STT3B: variants seen among roughly 807,000 people sequenced by gnomAD.
STT3B encodes the protein dolichyl-diphosphooligosaccharide--protein glycosyltransferase subunit STT3B.
In STT3B, 29 loss-of-function variants were observed where a neutral mutation model predicts 96.8. The ratio of observed to expected loss-of-function variants is 0.30; its 90% CI spans 0.22 to 0.41. The LOEUF is 0.41. STT3B is among the 10% of genes least tolerant of loss of function. The pLI is 1.00. For missense variants in STT3B, 640 were observed against 1,022.3 expected, an observed-to-expected ratio of 0.63 and a Z score of 5.10; for synonymous variants, 367 against 360.0, an observed-to-expected ratio of 1.02 and a Z score of -0.22.
intron 3 of STT3B, among the ~76,000 whole-genome samples, chr3:31,593,059 G>A (rs920442869): frequency 1.3e-5 from 2 of 152,128 alleles, no homozygotes; most frequent in East Asian, 1.9e-4. Context: ...GATTCTGCCC[G>A]TGCAATTATT....
At chr3:31,542,544 G>T (rs1169912018) in intron 1 of STT3B, among the ~76,000 whole-genome samples, 2 of 152,128 alleles carry the variant, frequency 1.3e-5, no homozygotes, top group Non-Finnish European at 2.9e-5. Flanking sequence ...TATTTCTACA[G>T]AATTCAAACT....
intron 5 of STT3B, among the ~76,000 whole-genome samples, chr3:31,601,050 T>C (rs977518934): frequency 2.0e-5 from 3 of 152,116 alleles, no homozygotes; most frequent in Non-Finnish European, 4.4e-5. Flanking sequence ...CTTAGTAAAA[T>C]AATACAATTC....
chr3:31,633,399 T>C (rs971863325), intron 15 of STT3B, among the ~76,000 whole-genome samples: 1 of 152,222 alleles, frequency 6.6e-6, no homozygotes, highest in African/African-American at 2.4e-5. Context: ...TTAGTAAGAC[T>C]TACTTGTAAA....
rs1322713584 is a variant in STT3B at position 31,579,873 on chromosome 3, C to T, written c.488C>T (p.Thr163Ile). ...TGGATTTTAAATACATTGAACATAACTGTTCACATAAGAGACGTATGTGTG... is the reference window on the plus strand; with the variant it reads ...TGGATTTTAAATACATTGAACATAATTGTTCACATAAGAGACGTATGTGTG... ...IHWILNTLNITVHIRDVCVFL... is the reference protein window; with the variant it reads ...IHWILNTLNIIVHIRDVCVFL... Residue 163 changes from threonine (T) to isoleucine (I), a missense_variant, in exon 3 of 16, where the codon ACT (threonine) becomes ATT (isoleucine). Around this residue, in one of 8 missense-constraint regions of STT3B, gnomAD observed 267 missense variants for 388.3 expected, o/e 0.69. Transcript: ENST00000295770. 1 of 1,612,910 alleles carries T rather than the reference C, an allele frequency of 6.2e-7. No individual in the cohort carries two copies. Among genetic ancestry groups the T allele is most frequent in the African/African-American group, 1.3e-5 (1 of 75,008 alleles).
intron 1 of STT3B, among the ~76,000 whole-genome samples, chr3:31,571,049 G>C (rs934539098): frequency 2.0e-5 from 3 of 152,186 alleles, no homozygotes; most frequent in Non-Finnish European, 4.4e-5. Flanking sequence ...TCAAAGCCTA[G>C]TTGAGAAGAG....
chr3:31,598,993 A>G (rs2125462756), intron 4 of STT3B, among the ~76,000 whole-genome samples: 1 of 152,060 alleles, frequency 6.6e-6, no homozygotes, highest in Non-Finnish European at 1.5e-5. Flanking sequence ...TATTTTTAGT[A>G]GAGACAGGAT....
intron 1 of STT3B, among the ~76,000 whole-genome samples, chr3:31,545,727 A>G (rs1170521746): frequency 6.6e-6 from 1 of 152,066 alleles, no homozygotes; most frequent in Non-Finnish European, 1.5e-5. Flanking sequence ...ATATATCTGT[A>G]AACCAAGCTT....
chr3:31,574,492 T>C (rs1370036566), intron 1 of STT3B, among the ~76,000 whole-genome samples: 1 of 152,154 alleles, frequency 6.6e-6, no homozygotes, highest in African/African-American at 2.4e-5. Flanking sequence ...TTTCCATCTT[T>C]TACTAGACAG....
At chr3:31,629,266 CTAACA>C (rs779537444) in intron 13 of STT3B, 27 bp from the exon 14 acceptor site, 8 of 1,194,050 alleles carry the variant, frequency 6.7e-6, no homozygotes, top group Non-Finnish European at 8.7e-6. Context: ...TTAACTTGAA[CTAACA>C]TAGAACTTGT....
At position 31,539,920 on chromosome 3, in the gene STT3B, C is replaced by G. The variant is rs116504323; in HGVS notation, c.314+6608C>G. Among the ~76,000 whole-genome samples, 574 of 152,234 alleles carry G rather than the reference C, an allele frequency of 3.8e-3. 8 individuals are homozygous for G. Among genetic ancestry groups the G allele is most frequent in the African/African-American group, 0.013 (534 of 41,552 alleles). ...GAGAGCTGAACTTTCAGAGTAGACT[C>G]AGAATTCTATAACCCACAGGATTTT... On this transcript the variant is annotated intron_variant, in intron 1 of 15. Transcript: ENST00000295770.
intron 1 of STT3B, among the ~76,000 whole-genome samples, chr3:31,534,055 C>G (rs1288344602): frequency 6.6e-6 from 1 of 152,144 alleles, no homozygotes; most frequent in Non-Finnish European, 1.5e-5. Flanking sequence ...CAGCACCTTA[C>G]TGTTTCACTA....
chr3:31,591,178 T>G (rs1037680093), intron 3 of STT3B, among the ~76,000 whole-genome samples: 3 of 152,048 alleles, frequency 2.0e-5, no homozygotes, highest in Admixed American at 6.6e-5. Flanking sequence ...TACTTAAAAT[T>G]TTTACATTTT....
intron 1 of STT3B, among the ~76,000 whole-genome samples, chr3:31,568,242 T>A (rs377360867): frequency 2.6e-4 from 39 of 152,306 alleles, no homozygotes; most frequent in African/African-American, 9.4e-4. Context: ...AGTACCACAT[T>A]TTCTTTATTC....
intron 3 of STT3B, among the ~76,000 whole-genome samples, chr3:31,582,578 C>T (rs753841355): frequency 6.6e-6 from 1 of 152,046 alleles, no homozygotes; most frequent in Non-Finnish European, 1.5e-5. Context: ...CAGGCATGAG[C>T]CACCGCGCCC....
At chr3:31,538,719 A>C (rs1365702902) in intron 1 of STT3B, among the ~76,000 whole-genome samples, 1 of 152,158 alleles carries the variant, frequency 6.6e-6, no homozygotes, top group East Asian at 1.9e-4. Context: ...CTGATATACT[A>C]TATGGGCCAA....
chr3:31,567,748 GT>G (rs1210040671), intron 1 of STT3B, among the ~76,000 whole-genome samples: 1 of 151,844 alleles, frequency 6.6e-6, no homozygotes, highest in Non-Finnish European at 1.5e-5. Flanking sequence ...CTATTTATGG[GT>G]TATATGTGAT....
intron 7 of STT3B, among the ~76,000 whole-genome samples, chr3:31,617,600 C>T (rs1699335570): frequency 6.6e-6 from 1 of 151,890 alleles, no homozygotes; most frequent in South Asian, 2.1e-4. Context: ...CTTTCCCCTG[C>T]CCCCCGTTTA....
chr3:31,618,267 T>C (rs528601510), intron 8 of STT3B, among the ~76,000 whole-genome samples: 116 of 120,664 alleles, frequency 9.6e-4, no homozygotes, highest in Admixed American at 4.2e-3. Flanking sequence ...CTTTGTGCAA[T>C]TTAAAGATTG....
At chr3:31,622,710 A>G (rs1034354699) in intron 10 of STT3B, among the ~76,000 whole-genome samples, 2 of 152,190 alleles carry the variant, frequency 1.3e-5, no homozygotes, top group African/African-American at 2.4e-5. Flanking sequence ...CATACTTTCA[A>G]AATATTTTGG....
Sources: gnomAD v4.1 joint callset for allele counts (sites outside exome capture counted in the v4.1 genomes callset) on GRCh38, gnomAD v4.1.1 for gene constraint, gnomAD v4.1.1 regional missense constraint, MANE v1.5 for transcripts, NCBI Gene and HGNC (gene_info 2026-07-23, HGNC 2026-07-21) for gene names.